NCEH1: variants seen among roughly 807,000 people sequenced by gnomAD.
NCEH1 encodes the protein 2-acetyl MAGE hydrolase.
NCEH1 carries 9 observed loss-of-function variants against 25.4 expected under a neutral mutation model. The ratio of observed to expected loss-of-function variants is 0.35; its 90% confidence interval spans 0.21 to 0.62. NCEH1 has a LOEUF of 0.62. Among genes scored for constraint, NCEH1 ranks in the 20% least tolerant of loss-of-function variants. The pLI is 0.72. For synonymous variants in NCEH1, 200 were observed against 199.8 expected (o/e 1.00, Z -0.01); for missense variants, 412 against 501.1 (o/e 0.82, Z 1.70).
chr3:172,706,024 A>AC (rs1321365107), intron 1 of NCEH1, among the ~76,000 whole-genome samples: 1 of 151,498 alleles, frequency 6.6e-6, no homozygotes, highest in Non-Finnish European at 1.5e-5. Context: ...AAAAAAAAAA[A>AC]AAAAAAAACC....
chr3:172,696,397 T>C (rs1278131320), intron 1 of NCEH1, among the ~76,000 whole-genome samples: 2 of 152,202 alleles, frequency 1.3e-5, no homozygotes, highest in African/African-American at 2.4e-5. Context: ...TGTAGTTTAG[T>C]GTAGACAACT....
chr3:172,677,915 G>T (rs1226987982), intron 1 of NCEH1, among the ~76,000 whole-genome samples: 1 of 152,232 alleles, frequency 6.6e-6, no homozygotes, highest in South Asian at 2.1e-4. Flanking sequence ...GCGACAGAGC[G>T]AGACTCCATC....
intron 1 of NCEH1, among the ~76,000 whole-genome samples, chr3:172,698,256 T>C (rs1354731359): frequency 6.6e-6 from 1 of 152,028 alleles, no homozygotes; most frequent in Non-Finnish European, 1.5e-5. Flanking sequence ...GGATTACAGG[T>C]GTGAGCCACT....
chr3:172,689,157 G>A (rs1712876060), intron 1 of NCEH1, among the ~76,000 whole-genome samples: 2 of 149,642 alleles, frequency 1.3e-5, no homozygotes, highest in African/African-American at 4.9e-5. Context: ...ATAAGTTGTA[G>A]TAAAGCTGAG....
intron 1 of NCEH1, among the ~76,000 whole-genome samples, chr3:172,677,610 A>G (rs1442453535): frequency 2.0e-5 from 3 of 151,330 alleles, no homozygotes; most frequent in Non-Finnish European, 2.9e-5. Context: ...TCAGGATCAT[A>G]AAGCCCTAAG....
intron 1 of NCEH1, among the ~76,000 whole-genome samples, chr3:172,685,805 A>G (rs913781761): frequency 1.3e-5 from 2 of 152,234 alleles, no homozygotes; most frequent in African/African-American, 4.8e-5. Context: ...GACAAGTACG[A>G]CAACCAGATC....
chr3:172,673,282 T>C (rs2108513968), intron 1 of NCEH1, among the ~76,000 whole-genome samples: 1 of 152,292 alleles, frequency 6.6e-6, no homozygotes, highest in Middle Eastern at 3.4e-3. Flanking sequence ...CCCTAGGAAA[T>C]AATTTAACTG....
chr3:172,677,836 G>A (rs868322171), intron 1 of NCEH1, among the ~76,000 whole-genome samples: 2 of 152,236 alleles, frequency 1.3e-5, no homozygotes, highest in Non-Finnish European at 2.9e-5. Flanking sequence ...GCTGAGGCAG[G>A]AGAATGGCGT....
intron 1 of NCEH1, among the ~76,000 whole-genome samples, chr3:172,660,525 G>A (rs1284238407): frequency 6.6e-6 from 1 of 152,156 alleles, no homozygotes; most frequent in African/African-American, 2.4e-5. Context: ...GGTATTTCTA[G>A]TTCTAGATCC....
rs1429401777 is a variant in NCEH1 at position 172,633,706 on chromosome 3, T to G, written c.996A>C (p.Ala332=). Residue 332 remains alanine (A), a synonymous_variant, in exon 5 of 5, where the codon GCA becomes GCC. Coordinates refer to ENST00000475381, the MANE Select transcript of NCEH1 (RefSeq NM_020792.6). ...AGGTCTTTGGGAGGAGCTGCAGCAC[T>G]GCCTGGTCTGCAATGAGTGGGGCGG... The part of the protein sequence containing the change: ...ARSAPLIADQ[A]VLQLLPKTYI... 4 of 1,614,126 alleles carry G rather than the reference T, an allele frequency of 2.5e-6. No individual in the cohort carries two copies. The highest frequency in any genetic ancestry group is 1.7e-5 in the Admixed American group (1 of 60,006).
chr3:172,634,093 C>T lies in NCEH1; in HGVS notation c.610-1G>A, dbSNP rs1716499444. On this transcript the variant is annotated splice_acceptor_variant, in intron 4 of 4. Coordinates refer to ENST00000475381, the MANE Select transcript of NCEH1 (RefSeq NM_020792.6). LOFTEE classifies it high-confidence loss of function. ...TTTTTAGGCTGGCATCTTGAGTAAACTAGAGAAGAGGAAGCAAATACATTA... is the reference window on the plus strand; with the variant it reads ...TTTTTAGGCTGGCATCTTGAGTAAATTAGAGAAGAGGAAGCAAATACATTA... 6.2e-7 allele frequency: 1 copy of T among 1,610,736 alleles called. No individual in the cohort carries two copies. The highest frequency in any genetic ancestry group is 8.5e-7 in the Non-Finnish European group (1 of 1,178,612).
chr3:172,706,575 T>C (rs1471389823), intron 1 of NCEH1, among the ~76,000 whole-genome samples: 3 of 149,932 alleles, frequency 2.0e-5, no homozygotes, highest in Non-Finnish European at 3.0e-5. Flanking sequence ...CTCGGCTCAC[T>C]GAAACCTCCA....
At chr3:172,679,636 G>A (rs570959333) in intron 1 of NCEH1, among the ~76,000 whole-genome samples, 20 of 151,894 alleles carry the variant, frequency 1.3e-4, no homozygotes, top group African/African-American at 4.1e-4. Context: ...AAAGGTTCTC[G>A]GTGGAAATTT....
intron 1 of NCEH1, among the ~76,000 whole-genome samples, chr3:172,652,261 A>G (rs568360757): frequency 3.3e-5 from 5 of 152,376 alleles, no homozygotes; most frequent in Admixed American, 3.3e-4. Flanking sequence ...CAGGGTCTGC[A>G]TGAATGTCTT....
chr3:172,681,810 G>A (rs1009448892), intron 1 of NCEH1, among the ~76,000 whole-genome samples: 1 of 151,700 alleles, frequency 6.6e-6, no homozygotes, highest in Non-Finnish European at 1.5e-5. Context: ...AGGATGCTGA[G>A]GCAGGAGAAT....
At chr3:172,643,231 C>T (rs913379142) in intron 3 of NCEH1, among the ~76,000 whole-genome samples, 2 of 152,084 alleles carry the variant, frequency 1.3e-5, no homozygotes, top group African/African-American at 4.8e-5. Context: ...TGAGCCACCG[C>T]GCCTGGCCTT....
At chr3:172,671,506 T>TACACAC (rs537504265) in intron 1 of NCEH1, among the ~76,000 whole-genome samples, 3,822 of 143,208 alleles carry the variant, frequency 0.027, 99 homozygotes, top group African/African-American at 0.069. Flanking sequence ...CACATACACA[T>TACACAC]ACACACACAC....
chr3:172,656,219 C>G (rs1057233210), intron 1 of NCEH1, among the ~76,000 whole-genome samples: 9 of 152,098 alleles, frequency 5.9e-5, no homozygotes, highest in African/African-American at 1.9e-4. Flanking sequence ...AAGGAAGGCA[C>G]TAGAACAGTT....
intron 1 of NCEH1, among the ~76,000 whole-genome samples, chr3:172,682,045 C>A (rs573926389): frequency 6.6e-6 from 1 of 152,216 alleles, no homozygotes; most frequent in East Asian, 1.9e-4. Flanking sequence ...AAAAGCAGAA[C>A]ACAAGGAAAA....
Sources: allele counts gnomAD v4.1 joint callset (sites outside exome capture counted in the v4.1 genomes callset), GRCh38; gene constraint gnomAD v4.1.1; transcripts MANE v1.5; gene names NCBI Gene and HGNC (gene_info 2026-07-23, HGNC 2026-07-21).